CBLN2: variants seen among roughly 807,000 people sequenced by gnomAD.
CBLN2 encodes the protein cerebellin-2.
A neutral mutation model predicts 15.0 loss-of-function variants in CBLN2; 7 were observed. The ratio of observed to expected loss-of-function variants is 0.47; its 90% CI spans 0.27 to 0.88. CBLN2 has a LOEUF of 0.88. CBLN2 is among the 40% of genes least tolerant of loss of function. CBLN2 has a pLI of 0.14. For missense variants in CBLN2, 242 were observed against 304.5 expected, an observed-to-expected ratio of 0.79 and a Z score of 1.53; for synonymous variants, 149 against 135.2, an observed-to-expected ratio of 1.10 and a Z score of -0.71.
chr18:72,542,006 T>G lies in CBLN2; in HGVS notation c.155A>C (p.Gln52Pro). 6.2e-7 allele frequency: 1 copy of G among 1,601,300 alleles called. No homozygotes were observed. The highest frequency in any genetic ancestry group is 8.5e-7 in the Non-Finnish European group (1 of 1,178,710). Residue 52 changes from glutamine (Q) to proline (P), a missense_variant, in exon 3 of 5, where the codon CAG becomes CCG. By Grantham distance (76) the Gln-to-Pro change is moderately conservative (BLOSUM62 -1). Around this residue, in one of 4 missense-constraint regions of CBLN2, gnomAD observed 96 missense variants for 83.8 expected, o/e 1.15. Transcript: ENST00000269503. ...CAGCACGATGGGCTCCGTGTCGTTC[T>G]GCGCCCGCACGGGGCAGCAGGCGGG... ...LLPACCPVRA[Q>P]NDTEPIVLEG... is the part of the protein sequence containing the mutation.
At position 72,596,696 on chromosome 18, in the gene CBLN2, T is replaced by C. The variant is rs558253550; in HGVS notation, c.15+41629A>G. 6.6e-5 allele frequency among the ~76,000 whole-genome samples: 10 copies of C among 152,350 alleles called. No individual in the cohort carries two copies. In the East Asian group the frequency reaches 9.6e-4, roughly 15 times the overall value. ...GATATTTTTACTGGATGTACTATTG[T>C]AGAATAAAAGTTGTTTTCTTTCAAC... On this transcript the variant is annotated intron_variant, in intron 1 of 2. Transcript: ENST00000581073.
intron 1 of CBLN2, among the ~76,000 whole-genome samples, chr18:72,558,775 C>T (rs568332415): frequency 6.6e-6 from 1 of 152,274 alleles, no homozygotes; most frequent in Non-Finnish European, 1.5e-5. Context: ...TCACTAGAGG[C>T]CAGGCATGGT....
At chr18:72,624,760 G>T (rs1301824840) in intron 1 of CBLN2, among the ~76,000 whole-genome samples, 1 of 152,074 alleles carries the variant, frequency 6.6e-6, no homozygotes, top group Non-Finnish European at 1.5e-5. Context: ...ACATAATTAT[G>T]TGTGTGTGTA....
intron 1 of CBLN2, among the ~76,000 whole-genome samples, chr18:72,595,941 C>T (rs1037741226): frequency 2.8e-4 from 42 of 151,876 alleles, no homozygotes; most frequent in African/African-American, 9.2e-4. Context: ...TCCTTGTAGG[C>T]GACAGATTGT....
intron 3 of CBLN2, 95 bp from the exon 4 acceptor site, chr18:72,538,867 A>T: frequency 1.3e-6 from 2 of 1,495,984 alleles, no homozygotes; most frequent in Non-Finnish European, 1.8e-6. Context: ...TGCCTCCTTC[A>T]TCAGCGGCTG....
intron 1 of CBLN2, among the ~76,000 whole-genome samples, chr18:72,557,611 G>A (rs991971414): frequency 2.6e-5 from 4 of 152,172 alleles, no homozygotes; most frequent in African/African-American, 9.7e-5. Flanking sequence ...GAAAGCACAT[G>A]GGTGGAGCTA....
At chr18:72,633,597 A>G (rs10439015) in intron 1 of CBLN2, among the ~76,000 whole-genome samples, 1 of 151,920 alleles carries the variant, frequency 6.6e-6, no homozygotes, top group Admixed American at 6.6e-5. Context: ...AATAATTTCT[A>G]AACATTCTGC....
chr18:72,561,270 A>G (rs1251692291), intron 1 of CBLN2, among the ~76,000 whole-genome samples: 1 of 150,588 alleles, frequency 6.6e-6, no homozygotes, highest in African/African-American at 2.4e-5. Context: ...GATGCTTGAC[A>G]TTTATCTCCA....
chr18:72,604,349 A>T (rs1385163011), intron 1 of CBLN2, among the ~76,000 whole-genome samples: 1 of 152,138 alleles, frequency 6.6e-6, no homozygotes, highest in Non-Finnish European at 1.5e-5. Context: ...GTGGGTTTAG[A>T]TTCTCCAGTA....
chr18:72,623,416 C>G (rs1432188474), intron 1 of CBLN2, among the ~76,000 whole-genome samples: 1 of 152,108 alleles, frequency 6.6e-6, no homozygotes, highest in Non-Finnish European at 1.5e-5. Flanking sequence ...TCTGTATTTT[C>G]TTTAATATCA....
chr18:72,633,703 C>A (rs1599032626), intron 1 of CBLN2, among the ~76,000 whole-genome samples: 1 of 152,182 alleles, frequency 6.6e-6, no homozygotes. Flanking sequence ...TCAGCTTTCA[C>A]AGAACACTTC....
At chr18:72,587,921 G>A (rs1249100061) in intron 1 of CBLN2, among the ~76,000 whole-genome samples, 1 of 151,902 alleles carries the variant, frequency 6.6e-6, no homozygotes, top group Non-Finnish European at 1.5e-5. Flanking sequence ...TATATACATT[G>A]GCTAATGTAA....
In CBLN2 at chr18:72,631,820, G is replaced by A. The variant is rs1037066980; in HGVS notation, c.15+6505C>T. ...ACAGTTCAAACACTCAGGAAATACA[G>A]TTCAAATTTAGGCACTACACAATGT... On this transcript the variant is annotated intron_variant, in intron 1 of 2. Coordinates refer to the CBLN2 transcript ENST00000581073. Among the ~76,000 whole-genome samples, 64 of 152,056 alleles carry A rather than the reference G, an allele frequency of 4.2e-4. 4 individuals carry two copies. Among genetic ancestry groups the A allele is most frequent in the Non-Finnish European group, 2.9e-5 (2 of 68,016 alleles).
intron 1 of CBLN2, among the ~76,000 whole-genome samples, chr18:72,561,084 T>C (rs372437406): frequency 2.6e-4 from 40 of 152,024 alleles, no homozygotes; most frequent in African/African-American, 8.0e-4. Context: ...GTGTAAGTGG[T>C]ACTTAGATAA....
At chr18:72,584,341 C>G (rs1241812823) in intron 1 of CBLN2, among the ~76,000 whole-genome samples, 2 of 150,640 alleles carry the variant, frequency 1.3e-5, no homozygotes, top group African/African-American at 4.9e-5. Context: ...GAGACGAAGT[C>G]TTGCTCTGTC....
chr18:72,580,096 AAT>A (rs71164094), intron 1 of CBLN2, among the ~76,000 whole-genome samples: 81,696 of 150,422 alleles, frequency 0.54, 26,146 homozygotes, highest in Non-Finnish European at 0.73. Flanking sequence ...ATTATAGCAT[AAT>A]ATATATATAT....
rs1301394899 is a variant in CBLN2, at chr18:72,542,310, G to A, written c.-150C>T. ...TTCAAGGCCAGGGTCGTTCTCAGAA[G>A]AAAGGCGCCTGTGAACCTGTCAGGG... On this transcript the variant is annotated 5_prime_UTR_variant, in exon 3 of 5. Transcript: ENST00000269503. The A allele has an allele frequency of 2.6e-6, 1 of 377,414 alleles. No homozygotes were observed. The highest frequency in any genetic ancestry group is 2.2e-5 in the African/African-American group (1 of 46,068). 23.4% of individuals were successfully genotyped at this position (377,414 alleles called of 1,614,324 possible). A position where few individuals can be genotyped will look rare whatever the true frequency, so the allele number is the denominator to read the frequency against.
In CBLN2 at chr18:72,555,033, G is replaced by A. The variant is rs188002294; in HGVS notation, c.16-16261C>T. ...GCCTGTAATCCCAGCTACTTGGGAG[G>A]CTGAGGCAGGAGAATCACTTGAACC... On this transcript the variant is annotated intron_variant, in intron 1 of 2. Transcript: ENST00000581073. Among the ~76,000 whole-genome samples, 1,022 of 152,184 alleles carry A rather than the reference G, an allele frequency of 6.7e-3. 8 individuals carry two copies. The highest frequency in any genetic ancestry group is 0.012 in the Non-Finnish European group (801 of 67,972).
chr18:72,563,562 C>T (rs558727748), intron 1 of CBLN2, among the ~76,000 whole-genome samples: 5 of 152,028 alleles, frequency 3.3e-5, no homozygotes, highest in Admixed American at 2.6e-4. Flanking sequence ...AGGATGGCCA[C>T]ATAGAGAAAA....
Sources: allele counts gnomAD v4.1 joint callset (sites outside exome capture counted in the v4.1 genomes callset), GRCh38; gene constraint gnomAD v4.1.1; regional missense constraint gnomAD v4.1.1; transcripts MANE v1.5; gene names NCBI Gene and HGNC (gene_info 2026-07-23, HGNC 2026-07-21).